Variants in ZC3H3 observed in about 807,000 individuals in gnomAD.
The protein encoded by ZC3H3 is zinc finger CCCH domain-containing protein 3.
ZC3H3 carries 36 observed loss-of-function variants against 77.3 expected under a neutral mutation model. The observed-to-expected ratio is 0.47, with a 90% CI of 0.36 to 0.61. ZC3H3 has a LOEUF of 0.61. ZC3H3 is among the 20% of genes least tolerant of loss of function. The pLI, the probability that ZC3H3 is intolerant of heterozygous loss-of-function variation, is 0.00. For missense variants in ZC3H3, 1,331 were observed against 1,312.2 expected, an observed-to-expected ratio of 1.01 and a Z score of -0.22; for synonymous variants, 626 against 555.2, an observed-to-expected ratio of 1.13 and a Z score of -1.79.
chr8:143,539,433 G>A, intron 1 of ZC3H3, 113 bp from the exon 2 acceptor site: 1 of 1,144,876 alleles, frequency 8.7e-7, no homozygotes, highest in Non-Finnish European at 1.2e-6. Flanking sequence ...TCACTTCTGA[G>A]CCCCTGCCAG....
At chr8:143,459,443 T>C (rs1182219200) in intron 9 of ZC3H3, among the ~76,000 whole-genome samples, 1 of 152,098 alleles carries the variant, frequency 6.6e-6, no homozygotes, top group Admixed American at 6.5e-5. Context: ...CAGCTACTCA[T>C]GAGGCTGAGG....
rs771111556 is a variant in ZC3H3 at position 143,541,358 on chromosome 8, G to A, written c.46+18C>T. The A allele has an allele frequency of 6.2e-7, 1 of 1,605,936 alleles. No individual in the cohort carries two copies. Among genetic ancestry groups the A allele is most frequent in the South Asian group, 1.1e-5 (1 of 90,222 alleles). ...GGGGAAAGAAGGGGACTCGCGTCCC[G>A]GCCCCGGCCGGACCTACCCTGCAGT... On this transcript the variant is annotated intron_variant, in intron 1 of 11. Coordinates refer to ENST00000262577, the MANE Select transcript of ZC3H3 (RefSeq NM_015117.3).
In ZC3H3 at chr8:143,538,908, G is replaced by A. The variant is rs1822907240; in HGVS notation, c.459C>T (p.Pro153=). The change falls in exon 2 of 12, where the codon CCC becomes CCT. Residue 153 remains proline, a synonymous_variant. Transcript: ENST00000262577. ...CTTCCCGGGGCCTTTGGTCACTCCA[G>A]GGGGTTTCCTCAAATTCTTCCAAAG... ...RGSLEEFEET[P]WSDQRPREGE... 1.2e-6 allele frequency: 2 copies of A among 1,612,908 alleles called. No individual in the cohort carries two copies. The highest frequency in any genetic ancestry group is 1.7e-6 in the Non-Finnish European group (2 of 1,179,982).
At chr8:143,468,691 G>T in intron 5 of ZC3H3, 32 bp from the exon 6 acceptor site, 1 of 1,539,980 alleles carries the variant, frequency 6.5e-7, no homozygotes. Context: ...GTCATAGCAG[G>T]CCACAGCCTG....
intron 3 of ZC3H3, among the ~76,000 whole-genome samples, chr8:143,522,919 C>CA (rs1214046977): frequency 3.6e-5 from 5 of 137,130 alleles, no homozygotes; most frequent in East Asian, 2.1e-4. Flanking sequence ...GACCCTGTCT[C>CA]AAAAAAATAT....
chr8:143,477,839 C>A (rs951572125), intron 4 of ZC3H3, among the ~76,000 whole-genome samples: 2 of 152,284 alleles, frequency 1.3e-5, no homozygotes, highest in Admixed American at 1.3e-4. Context: ...GTGCACCCCC[C>A]CACCGCAGCA....
chr8:143,486,476 C>T (rs960370108), intron 4 of ZC3H3, among the ~76,000 whole-genome samples: 38 of 152,346 alleles, frequency 2.5e-4, no homozygotes, highest in Middle Eastern at 3.4e-3. Flanking sequence ...GGACATTAGT[C>T]CTAGTGGATC....
intron 9 of ZC3H3, among the ~76,000 whole-genome samples, chr8:143,456,286 T>TAAA (rs1349227312): frequency 6.6e-6 from 1 of 152,194 alleles, no homozygotes; most frequent in Non-Finnish European, 1.5e-5. Context: ...AATCAAATGA[T>TAAA]ACACTTAAGC....
chr8:143,524,681 C>A (rs908905978), intron 3 of ZC3H3, among the ~76,000 whole-genome samples: 3 of 152,274 alleles, frequency 2.0e-5, no homozygotes, highest in African/African-American at 7.2e-5. Flanking sequence ...CTGGGCAGCA[C>A]CTTCGAGGCA....
At position 143,518,368 on chromosome 8, in the gene ZC3H3, G is replaced by A. The variant is rs553632818; in HGVS notation, c.1562-10469C>T. Among the ~76,000 whole-genome samples the A allele has an allele frequency of 2.8e-4, 43 of 152,132 alleles. No homozygotes were observed. In the South Asian group the frequency reaches 7.1e-3, roughly 25 times the overall value. The stretch of plus-strand genomic sequence containing the variant: ...CCGGGCGGCACGGAGACCCAGCTCC[G>A]CCATGTGGCACGGCCTTCTCTCAGG... On this transcript the variant is annotated intron_variant, in intron 3 of 11. Transcript: ENST00000262577.
At chr8:143,467,093 C>T (rs768605389) in intron 8 of ZC3H3, among the ~76,000 whole-genome samples, 60 of 152,012 alleles carry the variant, frequency 3.9e-4, no homozygotes, top group Non-Finnish European at 6.9e-4. Context: ...TAACTGCAGC[C>T]GCAGAGGGGA....
intron 4 of ZC3H3, among the ~76,000 whole-genome samples, chr8:143,481,597 C>T (rs1210314649): frequency 6.6e-6 from 1 of 152,240 alleles, no homozygotes; most frequent in Non-Finnish European, 1.5e-5. Context: ...CGCCGCCACA[C>T]GGTGGAGCCG....
intron 3 of ZC3H3, among the ~76,000 whole-genome samples, chr8:143,526,249 C>T (rs1283393156): frequency 6.6e-6 from 1 of 152,186 alleles, no homozygotes; most frequent in South Asian, 2.1e-4. Context: ...GACATCAGGG[C>T]CTCGCCAGGC....
intron 4 of ZC3H3, among the ~76,000 whole-genome samples, chr8:143,491,804 G>A (rs1821212178): frequency 6.6e-6 from 1 of 152,354 alleles, no homozygotes; most frequent in East Asian, 1.9e-4. Context: ...CCCTAGAGAA[G>A]GAGCAGAACA....
chr8:143,519,080 C>T (rs569130356), intron 3 of ZC3H3, among the ~76,000 whole-genome samples: 6 of 152,292 alleles, frequency 3.9e-5, no homozygotes, highest in South Asian at 4.1e-4. Context: ...GCGAGCACTA[C>T]GCCGGCCTCC....
chr8:143,536,200 G>A, intron 3 of ZC3H3, 57 bp downstream of exon 3: 1 of 1,550,534 alleles, frequency 6.4e-7, no homozygotes, highest in Non-Finnish European at 8.7e-7. Context: ...TAACACGCCA[G>A]CATATCCCAT....
At chr8:143,500,051 A>C in intron 4 of ZC3H3, among the ~76,000 whole-genome samples, 1 of 149,486 alleles carries the variant, frequency 6.7e-6, no homozygotes, top group African/African-American at 2.5e-5. Context: ...CTCTGCAAAC[A>C]CTCCAAACCC....
chr8:143,516,945 C>T (rs909489968), intron 3 of ZC3H3, among the ~76,000 whole-genome samples: 2 of 152,208 alleles, frequency 1.3e-5, no homozygotes, highest in Admixed American at 6.5e-5. Flanking sequence ...GACAAATGAC[C>T]GCTGTCAGCC....
In ZC3H3 at chr8:143,462,351, T is replaced by C. The variant is rs892616972; in HGVS notation, c.2307+3366A>G. On this transcript the variant is annotated intron_variant, in intron 9 of 11. Transcript: ENST00000262577. This position sits in a 1 kb window ranked among gnomAD's most constrained non-coding sequence, Gnocchi z 4.7. ...GCACTCTGTGACCATGGGTGGAGACTGGTCCTAAACAAGACCCCGAGCACA... is the reference window on the plus strand; with the variant it reads ...GCACTCTGTGACCATGGGTGGAGACCGGTCCTAAACAAGACCCCGAGCACA... 1.3e-5 allele frequency among the ~76,000 whole-genome samples: 2 copies of C among 152,200 alleles called. No homozygotes were observed. The highest frequency in any genetic ancestry group is 2.9e-5 in the Non-Finnish European group (2 of 68,034).
Sources: gnomAD v4.1 joint callset for allele counts (sites outside exome capture counted in the v4.1 genomes callset) on GRCh38, gnomAD v4.1.1 for gene constraint, Gnocchi (gnomAD v3.1) non-coding constraint, MANE v1.5 for transcripts, NCBI Gene and HGNC (gene_info 2026-07-23, HGNC 2026-07-21) for gene names.